The following TXNRD1 variants were observed in gnomAD, a reference collection of about 807,000 sequenced individuals.
TXNRD1 encodes the protein thioredoxin reductase 1.
A neutral mutation model predicts 80.3 loss-of-function variants in TXNRD1; 57 were observed. The observed-to-expected ratio is 0.71, with a 90% CI of 0.57 to 0.89. The LOEUF is 0.89. TXNRD1 is among the 40% of genes least tolerant of loss of function. The probability of loss-of-function intolerance (pLI) is 0.00; values close to 1 mark genes in which losing one functional copy is unlikely to be tolerated. For missense variants in TXNRD1, 730 were observed against 803.0 expected (o/e 0.91, Z 1.10); for synonymous variants, 291 against 285.2 (o/e 1.02, Z -0.20).
At chr12:104,273,573 A>G (rs1011428215) in intron 3 of TXNRD1, among the ~76,000 whole-genome samples, 3 of 152,178 alleles carry the variant, frequency 2.0e-5, no homozygotes, top group African/African-American at 7.2e-5. Context: ...AGTCTGGGCA[A>G]CAGAGTGAGA....
In TXNRD1 at chr12:104,275,194, C is replaced by G. The variant is rs577741308; in HGVS notation, c.305-13737C>G. On this transcript the variant is annotated intron_variant, in intron 3 of 16. Coordinates refer to ENST00000525566, the MANE Select transcript of TXNRD1 (RefSeq NM_001093771.3). ...TCGGGTGGCTGAGGCAGGAGAACCA[C>G]TTGAACCCAGGAGGCAGAGGTTGCA... Among the ~76,000 whole-genome samples the G allele has an allele frequency of 1.1e-4, 17 of 151,310 alleles. 1 individual carries two copies. Among genetic ancestry groups the G allele is most frequent in the Admixed American group, 3.3e-4 (5 of 15,124 alleles).
chr12:104,331,588 T>G lies in TXNRD1; in HGVS notation c.1597T>G (p.Cys533Gly), dbSNP rs759025387. ...TVFTPLEYGA[C>G]GLSEEKAVEK... ...ATTTACTCCTTTGGAATATGGTGCT[T>G]GTGGCCTTTCTGAGGAGAAAGCTGT... Residue 533 changes from cysteine to glycine, a missense_variant, in exon 14 of 17, where the codon TGT becomes GGT. Cys to Gly is a radical substitution (Grantham distance 159). Transcript: ENST00000525566. 6.2e-7 allele frequency: 1 copy of G among 1,612,688 alleles called. No homozygotes were observed. Among genetic ancestry groups the G allele is most frequent in the Admixed American group, 1.7e-5 (1 of 59,960 alleles).
chr12:104,294,658 G>A lies in TXNRD1; in HGVS notation c.414+5618G>A, dbSNP rs189093007. ...CTCTGTCTCTTGCCTCGGTGCCTGG[G>A]TGGCTTGCCACCCACAGTCCAGGCT... is the stretch of plus-strand genomic sequence containing the variant. On this transcript the variant is annotated intron_variant, in intron 4 of 16. Transcript: ENST00000525566. Among the ~76,000 whole-genome samples, 714 of 152,246 alleles carry A rather than the reference G, an allele frequency of 4.7e-3. 3 individuals carry two copies. The highest frequency in any genetic ancestry group is 0.017 in the South Asian group (80 of 4,828).
intron 3 of TXNRD1, among the ~76,000 whole-genome samples, chr12:104,272,589 T>A (rs1488659686): frequency 6.6e-6 from 1 of 152,002 alleles, no homozygotes; most frequent in Non-Finnish European, 1.5e-5. Flanking sequence ...GGTCAGGAGA[T>A]CAAGACCATC....
chr12:104,334,604 T>C (rs1308045286), intron 15 of TXNRD1, among the ~76,000 whole-genome samples: 1 of 152,184 alleles, frequency 6.6e-6, no homozygotes, highest in Non-Finnish European at 1.5e-5. Flanking sequence ...ACACCTGACC[T>C]CGTAATCTGC....
intron 2 of TXNRD1, among the ~76,000 whole-genome samples, chr12:104,255,116 T>TA (rs998387118): frequency 2.0e-5 from 3 of 151,152 alleles, no homozygotes; most frequent in African/African-American, 4.9e-5. Flanking sequence ...AATAAATAAA[T>TA]AAAAAAAATA....
At chr12:104,328,467 G>A (rs2035840965) in intron 13 of TXNRD1, among the ~76,000 whole-genome samples, 1 of 151,900 alleles carries the variant, frequency 6.6e-6, no homozygotes, top group African/African-American at 2.4e-5. Flanking sequence ...GAAAATATCT[G>A]TCTTAGAGGC....
chr12:104,225,981 C>A (rs1446478087), intron 1 of TXNRD1, among the ~76,000 whole-genome samples: 1 of 152,146 alleles, frequency 6.6e-6, no homozygotes, highest in Non-Finnish European at 1.5e-5. Flanking sequence ...GGGCGGATCA[C>A]CTGAGGTCAG....
At chr12:104,260,527 A>G (rs1179230235) in intron 3 of TXNRD1, among the ~76,000 whole-genome samples, 1 of 152,118 alleles carries the variant, frequency 6.6e-6, no homozygotes, top group Admixed American at 6.6e-5. Flanking sequence ...CCCTAACTTC[A>G]TATAAATACT....
chr12:104,333,279 T>C (rs1240582986), intron 14 of TXNRD1, among the ~76,000 whole-genome samples: 1 of 151,976 alleles, frequency 6.6e-6, no homozygotes, highest in East Asian at 1.9e-4. Context: ...ATTTGAAATT[T>C]TTAATATATA....
intron 3 of TXNRD1, among the ~76,000 whole-genome samples, chr12:104,269,348 C>G (rs536324506): frequency 1.3e-5 from 2 of 151,976 alleles, no homozygotes; most frequent in Non-Finnish European, 2.9e-5. Flanking sequence ...GTCATGTCAT[C>G]AGACTCTATT....
intron 2 of TXNRD1, among the ~76,000 whole-genome samples, chr12:104,257,469 C>A (rs1447641660): frequency 7.5e-6 from 1 of 132,512 alleles, no homozygotes; most frequent in Non-Finnish European, 1.5e-5. Flanking sequence ...TGCAGTGGTA[C>A]AATCCTGGCT....
At chr12:104,237,158 T>A (rs1248989561) in intron 1 of TXNRD1, among the ~76,000 whole-genome samples, 1 of 152,226 alleles carries the variant, frequency 6.6e-6, no homozygotes, top group African/African-American at 2.4e-5. Flanking sequence ...TGTATTGTGT[T>A]ATCTACCGCT....
chr12:104,309,962 G>A (rs1046096606), intron 4 of TXNRD1: 55 of 1,536,084 alleles, frequency 3.6e-5, no homozygotes, highest in Non-Finnish European at 4.7e-5. Flanking sequence ...TAGCCACAGT[G>A]CTGTGCTTCC....
At chr12:104,314,121 G>A (rs1291697808) in intron 6 of TXNRD1, among the ~76,000 whole-genome samples, 1 of 152,156 alleles carries the variant, frequency 6.6e-6, no homozygotes, top group Non-Finnish European at 1.5e-5. Flanking sequence ...AATGGGAGCT[G>A]GAGGTGGTAG....
chr12:104,222,176 G>C (rs1414083020), intron 1 of TXNRD1, among the ~76,000 whole-genome samples: 1 of 152,192 alleles, frequency 6.6e-6, no homozygotes. Flanking sequence ...AATATGGTCT[G>C]TGAATGTGTA....
At chr12:104,325,978 T>C (rs1220023946) in intron 11 of TXNRD1, among the ~76,000 whole-genome samples, 1 of 152,206 alleles carries the variant, frequency 6.6e-6, no homozygotes, top group East Asian at 1.9e-4. Context: ...AACAGAATTT[T>C]TAAATGAGCC....
chr12:104,278,038 G>A (rs575617698), intron 3 of TXNRD1, among the ~76,000 whole-genome samples: 24 of 151,378 alleles, frequency 1.6e-4, no homozygotes, highest in South Asian at 2.1e-4. Flanking sequence ...AACCACGCCC[G>A]GCTAATTTTT....
Position 104,309,902 on chromosome 12 carries a change from C to G in TXNRD1, c.415-1388C>G. ...CCACTGTTGCTGGTTTCCAGGTGTT[C>G]TCCCTTCAGTCCCTGAGCCACTACG... is the stretch of plus-strand genomic sequence containing the variant. On this transcript the variant is annotated intron_variant, in intron 4 of 16. Coordinates refer to ENST00000525566, the MANE Select transcript of TXNRD1 (RefSeq NM_001093771.3). 2.6e-6 allele frequency: 4 copies of G among 1,536,054 alleles called. No homozygotes were observed. In the South Asian group the frequency reaches 4.8e-5, roughly 18 times the overall value.
Sources: allele counts gnomAD v4.1 joint callset (sites outside exome capture counted in the v4.1 genomes callset), GRCh38; gene constraint gnomAD v4.1.1; transcripts MANE v1.5; gene names NCBI Gene and HGNC (gene_info 2026-07-23, HGNC 2026-07-21).